STAM2: variants seen among roughly 807,000 people sequenced by gnomAD.
STAM2 encodes the protein signal transducing adapter molecule 2.
In STAM2, 51 loss-of-function variants were observed where a neutral mutation model predicts 65.6. The ratio of observed to expected loss-of-function variants is 0.78; its 90% CI spans 0.62 to 0.98. The LOEUF (loss-of-function observed/expected upper bound fraction) is 0.98, where lower values mean the gene tolerates loss of function less well. Ranked by LOEUF, STAM2 falls within the 50% of genes least tolerant of loss-of-function variation. The probability of loss-of-function intolerance (pLI) is 0.00; values close to 1 mark genes in which losing one functional copy is unlikely to be tolerated. For missense variants in STAM2, 584 were observed against 617.8 expected (o/e 0.95, Z 0.58); for synonymous variants, 198 against 208.4 (o/e 0.95, Z 0.43).
At chr2:152,175,503 G>T in intron 1 of STAM2, 100 bp downstream of exon 1, 1 of 1,493,964 alleles carries the variant, frequency 6.7e-7, no homozygotes, top group Non-Finnish European at 9.3e-7. Context: ...CCTTCGCTTT[G>T]CTTCCTAGTC....
At chr2:152,163,061 A>G (rs538787142) in intron 1 of STAM2, among the ~76,000 whole-genome samples, 2 of 152,340 alleles carry the variant, frequency 1.3e-5, no homozygotes, top group South Asian at 4.1e-4. Context: ...TCCAGGTTCA[A>G]ATCACTATAT....
At chr2:152,149,998 T>C (rs1689412199) in intron 2 of STAM2, 147 bp downstream of exon 2, 1 of 614,414 alleles carries the variant, frequency 1.6e-6, no homozygotes, top group Non-Finnish European at 2.9e-6. Context: ...AGAAAACCTA[T>C]GTATAAGTGA....
chr2:152,143,642 A>G (rs1465708669), intron 7 of STAM2, among the ~76,000 whole-genome samples, 185 bp downstream of exon 7: 1 of 152,342 alleles, frequency 6.6e-6, no homozygotes, highest in Non-Finnish European at 1.5e-5. Flanking sequence ...AATATAACAA[A>G]CATAAATTAT....
chr2:152,124,243 G>A (rs1175354328), intron 12 of STAM2: 1 of 246,290 alleles, frequency 4.1e-6, no homozygotes, highest in South Asian at 6.8e-5. Flanking sequence ...AAGATGTCTT[G>A]CTGTAGAGCC....
At chr2:152,145,139 T>C (rs1014680966) in intron 5 of STAM2, among the ~76,000 whole-genome samples, 182 bp from the exon 6 acceptor site, 11 of 152,190 alleles carry the variant, frequency 7.2e-5, no homozygotes, top group African/African-American at 2.7e-4. Flanking sequence ...GGCACAGTCA[T>C]AGCTCACTGT....
chr2:152,147,865 GC>G (rs1689363368), intron 4 of STAM2, among the ~76,000 whole-genome samples, 158 bp downstream of exon 4: 1 of 152,040 alleles, frequency 6.6e-6, no homozygotes. Context: ...AGTTTTTGGT[GC>G]TACACATTAA....
intron 12 of STAM2, chr2:152,124,179 G>T: frequency 2.3e-6 from 1 of 444,302 alleles, no homozygotes; most frequent in Non-Finnish European, 4.0e-6. Context: ...AAAGACAGGT[G>T]GTGTACTTTT....
intron 7 of STAM2, among the ~76,000 whole-genome samples, chr2:152,140,920 A>T (rs1689234764): frequency 6.6e-6 from 1 of 151,826 alleles, no homozygotes; most frequent in Non-Finnish European, 1.5e-5. Context: ...GGATCACTTG[A>T]GGCCAGGAGT....
At chr2:152,161,789 ATAGTTCT>A (rs1560222820) in intron 1 of STAM2, among the ~76,000 whole-genome samples, 1 of 152,048 alleles carries the variant, frequency 6.6e-6, no homozygotes. Flanking sequence ...AGCAATACAC[ATAGTTCT>A]TAAAAATACA....
At chr2:152,134,062 A>C (rs955483852) in intron 8 of STAM2, among the ~76,000 whole-genome samples, 8 of 152,108 alleles carry the variant, frequency 5.3e-5, no homozygotes, top group African/African-American at 1.9e-4. Context: ...TTGAAAAAAA[A>C]CTTACAAATA....
chr2:152,121,108 A>T (rs532841893), intron 13 of STAM2, among the ~76,000 whole-genome samples: 53 of 151,972 alleles, frequency 3.5e-4, no homozygotes, highest in African/African-American at 1.1e-3. Context: ...GGGACTATTT[A>T]AAAAAAATTT....
At chr2:152,146,015 A>G (rs1689331663) in intron 5 of STAM2, among the ~76,000 whole-genome samples, 1 of 152,140 alleles carries the variant, frequency 6.6e-6, no homozygotes, top group Non-Finnish European at 1.5e-5. Context: ...CATGCCTGTA[A>G]TCCCAGCACT....
chr2:152,170,833 T>TA (rs1314671164), intron 1 of STAM2, among the ~76,000 whole-genome samples: 1 of 152,004 alleles, frequency 6.6e-6, no homozygotes, highest in Non-Finnish European at 1.5e-5. Context: ...CCATCTCTGC[T>TA]AAAAAATGCA....
In STAM2 at chr2:152,166,520, T is replaced by TG. The variant is rs1395481681; in HGVS notation, c.40+9082dup. 2.0e-5 allele frequency among the ~76,000 whole-genome samples: 3 copies of TG among 152,314 alleles called. No individual in the cohort carries two copies. The East Asian group carries it at 5.8e-4, about 29-fold the overall frequency. On this transcript the variant is annotated intron_variant, in intron 1 of 13. Transcript: ENST00000263904. ...CCTATTCTTAACACCTATAAGCAGG[T>TG]GGCCACTTCAGAATGTCAATAATTT... is the stretch of plus-strand genomic sequence containing the variant.
chr2:152,166,966 T>A (rs925572011), intron 1 of STAM2, among the ~76,000 whole-genome samples: 2 of 152,218 alleles, frequency 1.3e-5, no homozygotes, highest in East Asian at 3.8e-4. Context: ...GAAAATAGTT[T>A]GCGAGTTTTC....
chr2:152,143,636 T>C (rs1240403163), intron 7 of STAM2, among the ~76,000 whole-genome samples, 191 bp downstream of exon 7: 2 of 152,190 alleles, frequency 1.3e-5, no homozygotes, highest in Non-Finnish European at 2.9e-5. Context: ...TTATCAAATA[T>C]AACAAACATA....
In STAM2 at chr2:152,148,313, A is replaced by AG. The variant is rs1689374818; in HGVS notation, c.126-14dup. 1 of 1,500,784 alleles carries AG rather than the reference A, an allele frequency of 6.7e-7. No individual in the cohort carries two copies. 93.0% of individuals were successfully genotyped at this position (1,500,784 alleles called of 1,614,324 possible). A position where few individuals can be genotyped will look rare whatever the true frequency, so the allele number is the denominator to read the frequency against. On this transcript the variant is annotated splice_polypyrimidine_tract_variant and intron_variant, in intron 2 of 13. Coordinates refer to ENST00000263904, the MANE Select transcript of STAM2 (RefSeq NM_005843.6). Reference sequence around the variant, plus strand: ...GCAATCTTTCGCTCTAAAAAAAAAAAGAGAGAGAGAGACAGTTAAGTATTT... The same window carrying AG: ...GCAATCTTTCGCTCTAAAAAAAAAAAGGAGAGAGAGAGACAGTTAAGTATTT...
intron 1 of STAM2, among the ~76,000 whole-genome samples, chr2:152,165,172 T>C (rs1028255447): frequency 6.6e-6 from 1 of 151,854 alleles, no homozygotes; most frequent in Non-Finnish European, 1.5e-5. Context: ...ATGCCTGCAA[T>C]CCCAGCACTT....
At position 152,120,779 on chromosome 2, in the gene STAM2, T is replaced by C. The variant is rs541526959; in HGVS notation, c.1373A>G (p.Asn458Ser). ...YLSTGQDTVS[N>S]PTYMNQNSNL... ...AGAGTTCTGGTTCATATAAGTAGGA[T>C]TGGAAACAGTGTCTTGTCCAGTGCT... Residue 458 changes from asparagine to serine, a missense_variant, in exon 14 of 14, where the codon AAT becomes AGT. Asn to Ser is a conservative substitution (Grantham distance 46). Transcript: ENST00000263904. The C allele has an allele frequency of 1.3e-4, 212 of 1,614,132 alleles. No homozygotes were observed. Among genetic ancestry groups the C allele is most frequent in the African/African-American group, 3.5e-4 (26 of 75,022 alleles).
Sources: gnomAD v4.1 joint callset for allele counts (sites outside exome capture counted in the v4.1 genomes callset) on GRCh38, gnomAD v4.1.1 for gene constraint, MANE v1.5 for transcripts, NCBI Gene and HGNC (gene_info 2026-07-23, HGNC 2026-07-21) for gene names.